Variants in RBFOX1 observed in about 807,000 individuals in gnomAD.
RBFOX1 encodes RNA binding fox-1 homolog 1, also known as RNA binding protein fox-1 homolog 1.
Under a neutral mutation model 57.7 loss-of-function variants are expected in RBFOX1, and 8 were observed. The observed-to-expected ratio is 0.14, with a 90% CI of 0.08 to 0.25. The LOEUF is 0.25. RBFOX1 is among the 10% of genes least tolerant of loss of function. The pLI, the probability that RBFOX1 is intolerant of heterozygous loss-of-function variation, is 1.00. For synonymous variants in RBFOX1, 326 were observed against 222.4 expected, an observed-to-expected ratio of 1.47 and a Z score of -4.15; for missense variants, 611 against 548.5, an observed-to-expected ratio of 1.11 and a Z score of -1.14.
intron 1 of RBFOX1, among the ~76,000 whole-genome samples, chr16:6,079,981 G>C (rs528072618): frequency 3.3e-4 from 51 of 152,318 alleles, no homozygotes; most frequent in African/African-American, 1.2e-3. Context: ...TAAACCATTT[G>C]TGATTGAGGC....
intron 3 of RBFOX1, among the ~76,000 whole-genome samples, chr16:6,961,792 C>T (rs148328176): frequency 1.3e-5 from 2 of 152,134 alleles, no homozygotes; most frequent in East Asian, 1.9e-4. Flanking sequence ...TGTCCTTTAG[C>T]ATGCTAATGC....
intron 3 of RBFOX1, among the ~76,000 whole-genome samples, chr16:6,815,062 G>A (rs1412539880): frequency 1.3e-5 from 2 of 152,146 alleles, no homozygotes; most frequent in African/African-American, 4.8e-5. Context: ...GTTTTTCCCG[G>A]AAAGCGGTAG....
intron 1 of RBFOX1, among the ~76,000 whole-genome samples, chr16:6,089,531 G>A (rs559105877): frequency 6.6e-6 from 1 of 152,354 alleles, no homozygotes; most frequent in Admixed American, 6.5e-5. Context: ...ACTAAAATCT[G>A]TGGGAGACTT....
chr16:7,639,512 A>G (rs1189101455), intron 11 of RBFOX1, among the ~76,000 whole-genome samples: 1 of 152,156 alleles, frequency 6.6e-6, no homozygotes, highest in Non-Finnish European at 1.5e-5. Context: ...TGCCAGGTGC[A>G]ATTCTACATC....
rs539604734 is a variant in RBFOX1, at chr16:6,833,465, C to T, written c.-16+178815C>T. Among the ~76,000 whole-genome samples the T allele has an allele frequency of 3.3e-5, 5 of 152,290 alleles. No homozygotes were observed. The East Asian group carries it at 5.8e-4, about 18-fold the overall frequency. On this transcript the variant is annotated intron_variant, in intron 3 of 15. Transcript: ENST00000550418. ...TACAGGTGTGAACCACTGCTCCCAG[C>T]CTCAAGCTTTATTTTAGCTCCCACC...
chr16:6,429,945 C>T lies in RBFOX1; in HGVS notation c.-64+112888C>T, dbSNP rs2094030587. On this transcript the variant is annotated intron_variant, in intron 2 of 15. Coordinates refer to ENST00000550418, the MANE Select transcript of RBFOX1 (RefSeq NM_018723.4). ...CCAACATAGTGAAACCCCCTCTCTA[C>T]TAAAAATACAAAATTAGCCAGGTAT... is the stretch of plus-strand genomic sequence containing the variant. 3.3e-5 allele frequency among the ~76,000 whole-genome samples: 5 copies of T among 152,074 alleles called. 1 individual carries two copies. In the South Asian group the frequency reaches 1.0e-3, roughly 32 times the overall value.
intron 4 of RBFOX1, among the ~76,000 whole-genome samples, chr16:5,987,831 T>C (rs1168478394): frequency 6.6e-6 from 1 of 152,250 alleles, no homozygotes; most frequent in East Asian, 1.9e-4. Flanking sequence ...TTTTTAACTC[T>C]TACTCTATCC....
chr16:6,289,805 G>C (rs1332901200), intron 1 of RBFOX1, among the ~76,000 whole-genome samples: 2 of 152,096 alleles, frequency 1.3e-5, no homozygotes, highest in Non-Finnish European at 2.9e-5. Flanking sequence ...AAGGAGTTAA[G>C]GCCATCAGTA....
Position 6,026,403 on chromosome 16 carries a change from G to A in RBFOX1, c.-127+6411G>A, listed in dbSNP as rs145320959. Among the ~76,000 whole-genome samples, 281 of 152,318 alleles carry A rather than the reference G, an allele frequency of 1.8e-3. 1 individual carries two copies. Among genetic ancestry groups the A allele is most frequent in the African/African-American group, 6.2e-3 (259 of 41,576 alleles). ...GATAGAGAGTGGGGTGTAGGCAGGC[G>A]TTAAGCAATTTGTCCAAGGACACAA... On this transcript the variant is annotated intron_variant, in intron 1 of 15. Transcript: ENST00000550418.
Position 6,869,622 on chromosome 16 carries a change from A to C in RBFOX1, c.-15-182435A>C. Among the ~76,000 whole-genome samples the C allele has an allele frequency of 1.3e-5, 2 of 152,154 alleles. 1 individual carries two copies. The highest frequency in any genetic ancestry group is 1.3e-4 in the Admixed American group (2 of 15,272). On this transcript the variant is annotated intron_variant, in intron 3 of 15. Coordinates refer to ENST00000550418, the MANE Select transcript of RBFOX1 (RefSeq NM_018723.4). ...GAAAGAACAGGAAAAATATAATTGG[A>C]ATCTGTTTTCAACTCTGACGTGTTA... is the stretch of plus-strand genomic sequence containing the variant.
At chr16:7,410,506 AC>A (rs1332948563) in intron 4 of RBFOX1, among the ~76,000 whole-genome samples, 1 of 152,050 alleles carries the variant, frequency 6.6e-6, no homozygotes, top group Non-Finnish European at 1.5e-5. Flanking sequence ...ACATGGAGAA[AC>A]CCGGTCTCTA....
intron 6 of RBFOX1, among the ~76,000 whole-genome samples, chr16:7,583,796 C>CA (rs1181632210): frequency 6.6e-6 from 1 of 151,900 alleles, no homozygotes; most frequent in Non-Finnish European, 1.5e-5. Context: ...GCCTGCGCAA[C>CA]ATAGGGAGAC....
intron 2 of RBFOX1, among the ~76,000 whole-genome samples, chr16:6,637,458 TA>T (rs1178636848): frequency 3.2e-5 from 2 of 62,498 alleles, no homozygotes; most frequent in African/African-American, 9.5e-5. Flanking sequence ...ATGTATATAA[TA>T]TGTATTATAT....
At chr16:7,256,235 C>T (rs977260557) in intron 4 of RBFOX1, among the ~76,000 whole-genome samples, 6 of 152,302 alleles carry the variant, frequency 3.9e-5, no homozygotes, top group South Asian at 2.1e-4. Flanking sequence ...TGCCTTCCAG[C>T]TCTGTAACCC....
rs191474809 is a variant in RBFOX1 at position 7,497,216 on chromosome 16, C to T, written c.28-20931C>T. 2.8e-4 allele frequency among the ~76,000 whole-genome samples: 42 copies of T among 152,290 alleles called. No homozygotes were observed. The East Asian group carries it at 6.9e-3, about 25-fold the overall frequency. On this transcript the variant is annotated intron_variant, in intron 4 of 15. Transcript: ENST00000550418. ...TCTGATTCTCTTCCTATGCCCACAA[C>T]CTTATTTTCTAGCCCCAGTTCCTGC...
chr16:7,140,992 G>A (rs907513879), intron 4 of RBFOX1, among the ~76,000 whole-genome samples: 2 of 152,156 alleles, frequency 1.3e-5, no homozygotes, highest in Admixed American at 6.5e-5. Flanking sequence ...AGGAACCCTC[G>A]TTGGAAGTAA....
chr16:5,633,338 G>A (rs2048580174), intron 3 of RBFOX1, among the ~76,000 whole-genome samples: 1 of 152,036 alleles, frequency 6.6e-6, no homozygotes, highest in African/African-American at 2.4e-5. Context: ...CAAAGCATAG[G>A]TGCTCTTTTT....
intron 4 of RBFOX1, among the ~76,000 whole-genome samples, chr16:7,168,192 T>C (rs1385438305): frequency 6.6e-6 from 1 of 152,176 alleles, no homozygotes; most frequent in Admixed American, 6.5e-5. Flanking sequence ...AGCAGCAGCT[T>C]TGTATTAAAA....
intron 3 of RBFOX1, among the ~76,000 whole-genome samples, chr16:6,967,381 G>C (rs2084506413): frequency 6.6e-6 from 1 of 152,204 alleles, no homozygotes; most frequent in African/African-American, 2.4e-5. Context: ...GAAGAGATTA[G>C]AGGGAGCTGA....
Sources: gnomAD v4.1 joint callset for allele counts (sites outside exome capture counted in the v4.1 genomes callset) on GRCh38, gnomAD v4.1.1 for gene constraint, MANE v1.5 for transcripts, NCBI Gene and HGNC (gene_info 2026-07-23, HGNC 2026-07-21) for gene names.